Variants in ALMS1 observed in about 807,000 individuals in gnomAD.
ALMS1 encodes centrosome-associated protein ALMS1.
A neutral mutation model predicts 352.2 loss-of-function variants in ALMS1; 271 were observed. The observed-to-expected ratio is 0.77, with a 90% CI of 0.70 to 0.85. The LOEUF (loss-of-function observed/expected upper bound fraction) is 0.85, where lower values mean the gene tolerates loss of function less well. Ranked by LOEUF, ALMS1 falls within the 40% of genes least tolerant of loss-of-function variation. ALMS1 has a pLI of 0.00. For missense variants in ALMS1, 5,445 were observed against 4,870.7 expected (o/e 1.12, Z -3.51); for synonymous variants, 1,865 against 1,761.2 (o/e 1.06, Z -1.48).
intron 10 of ALMS1, among the ~76,000 whole-genome samples, chr2:73,518,600 C>T (rs1329644490): frequency 3.3e-5 from 5 of 152,148 alleles, no homozygotes; most frequent in Admixed American, 6.5e-5. Flanking sequence ...TAACCACTCC[C>T]TTTTCTCTGC....
At chr2:73,569,687 A>C in intron 15 of ALMS1, among the ~76,000 whole-genome samples, 1 of 152,200 alleles carries the variant, frequency 6.6e-6, no homozygotes, top group Admixed American at 6.5e-5. Flanking sequence ...TAAATGAAAT[A>C]AGCCATACAT....
intron 9 of ALMS1, chr2:73,470,782 C>G (rs943981664): frequency 2.0e-5 from 3 of 151,744 alleles, no homozygotes; most frequent in African/African-American, 7.2e-5. Context: ...TTTAGGTACT[C>G]TAATGTTGGG....
chr2:73,409,773 T>C (rs1671040522), intron 2 of ALMS1, among the ~76,000 whole-genome samples: 1 of 152,182 alleles, frequency 6.6e-6, no homozygotes. Flanking sequence ...TATTGATATT[T>C]ATTATATAGA....
At chr2:73,567,308 C>T (rs1485808687) in intron 15 of ALMS1, among the ~76,000 whole-genome samples, 1 of 152,124 alleles carries the variant, frequency 6.6e-6, no homozygotes, top group Non-Finnish European at 1.5e-5. Flanking sequence ...AATAACAGAC[C>T]CTCCTTGAAC....
intron 7 of ALMS1, among the ~76,000 whole-genome samples, chr2:73,438,156 C>G (rs765665123): frequency 6.6e-6 from 1 of 152,158 alleles, no homozygotes; most frequent in Non-Finnish European, 1.5e-5. Flanking sequence ...GCAGCAATCC[C>G]TCCCTCATCA....
intron 9 of ALMS1, among the ~76,000 whole-genome samples, chr2:73,464,887 AAGGG>A (rs1441723842): frequency 6.6e-6 from 1 of 152,178 alleles, no homozygotes; most frequent in Non-Finnish European, 1.5e-5. Context: ...TCCAACTTAC[AAGGG>A]ATGGAAGGAC....
intron 7 of ALMS1, among the ~76,000 whole-genome samples, chr2:73,441,340 G>T (rs1477472960): frequency 6.6e-6 from 1 of 152,216 alleles, no homozygotes; most frequent in African/African-American, 2.4e-5. Flanking sequence ...TACCACAGGA[G>T]AGTTAGGAGA....
In ALMS1 at chr2:73,579,063, C is replaced by CTTTTTTTTTTTTTTT. The variant is rs372240184; in HGVS notation, c.11547+5646_11547+5647insTTTTTTTTTTTTTTT. Among the ~76,000 whole-genome samples, 251 of 119,000 alleles carry CTTTTTTTTTTTTTTT rather than the reference C, an allele frequency of 2.1e-3. 34 individuals are homozygous for CTTTTTTTTTTTTTTT. Among genetic ancestry groups the CTTTTTTTTTTTTTTT allele is most frequent in the African/African-American group, 5.6e-3 (130 of 23,168 alleles). The allele number at this position is 119,000 out of a possible 152,430, so 78.1% of individuals were successfully genotyped here. ...GAATGTCTTTAATTTCTCCTTTATT[C>CTTTTTTTTTTTTTTT]TTTTTTTATTTATTTTTTTTTTTGA... On this transcript the variant is annotated intron_variant, in intron 16 of 22. Transcript: ENST00000613296.
chr2:73,560,547 G>A (rs1329141857), intron 15 of ALMS1, among the ~76,000 whole-genome samples: 1 of 152,108 alleles, frequency 6.6e-6, no homozygotes, highest in Non-Finnish European at 1.5e-5. Context: ...CCACTGCTGG[G>A]CATATAACCT....
intron 9 of ALMS1, chr2:73,469,420 A>C (rs957692118): frequency 6.6e-6 from 1 of 151,928 alleles, no homozygotes; most frequent in Non-Finnish European, 1.5e-5. Flanking sequence ...CAATGTGGTA[A>C]ATGAAAAGGA....
At chr2:73,482,428 C>T (rs2103869116) in intron 9 of ALMS1, among the ~76,000 whole-genome samples, 1 of 147,720 alleles carries the variant, frequency 6.8e-6, no homozygotes, top group Middle Eastern at 3.5e-3. Flanking sequence ...GGGATGAAGC[C>T]CACTTGATCA....
At chr2:73,442,015 C>T (rs1671728697) in intron 7 of ALMS1, among the ~76,000 whole-genome samples, 1 of 152,124 alleles carries the variant, frequency 6.6e-6, no homozygotes, top group Non-Finnish European at 1.5e-5. Context: ...TGCCATGAAA[C>T]TTTCCTAACT....
chr2:73,445,436 A>G (rs1026289214), intron 7 of ALMS1, among the ~76,000 whole-genome samples: 6 of 152,136 alleles, frequency 3.9e-5, no homozygotes, highest in Non-Finnish European at 8.8e-5. Flanking sequence ...AGAGGGCTCA[A>G]AATGAGAGCT....
At position 73,569,048 on chromosome 2, in the gene ALMS1, T is replaced by C. The variant is rs1347111217; in HGVS notation, c.10385-3214T>C. On this transcript the variant is annotated intron_variant, in intron 15 of 22. Coordinates refer to ENST00000613296, the MANE Select transcript of ALMS1 (RefSeq NM_001378454.1). The stretch of plus-strand genomic sequence containing the variant: ...TTTTTTTTTTGAGATGAAGTCTCGC[T>C]CTGTCGCCCAGGCTGGAGTGCAGTG... 3.2e-5 allele frequency among the ~76,000 whole-genome samples: 4 copies of C among 125,858 alleles called. No homozygotes were observed. The East Asian group carries it at 1.0e-3, about 33-fold the overall frequency. The allele number at this position is 125,858 out of a possible 152,430, so 82.6% of individuals were successfully genotyped here.
chr2:73,422,999 C>T (rs1378087978), intron 4 of ALMS1, 25 bp downstream of exon 4: 3 of 1,543,234 alleles, frequency 1.9e-6, no homozygotes, highest in Non-Finnish European at 2.7e-6. Context: ...TTGCATGTAA[C>T]CTTTCTCACT....
chr2:73,580,917 A>G (rs1160971871), intron 16 of ALMS1, among the ~76,000 whole-genome samples: 4 of 152,232 alleles, frequency 2.6e-5, no homozygotes, highest in African/African-American at 9.6e-5. Context: ...AAATTCCCCA[A>G]GTCTTTGCAG....
At chr2:73,538,508 A>G (rs1674082604) in intron 12 of ALMS1, among the ~76,000 whole-genome samples, 1 of 152,188 alleles carries the variant, frequency 6.6e-6, no homozygotes, top group Non-Finnish European at 1.5e-5. Flanking sequence ...TACTGGGTTC[A>G]TCTCACTAGG....
intron 13 of ALMS1, among the ~76,000 whole-genome samples, chr2:73,552,214 A>T (rs1674453200): frequency 6.6e-6 from 1 of 152,114 alleles, no homozygotes; most frequent in South Asian, 2.1e-4. Flanking sequence ...TTTTTAGATA[A>T]TTTCGTTCTA....
rs187474973 is a variant in ALMS1, at chr2:73,558,854, C to T, written c.10214-118C>T. 5.4e-6 allele frequency: 6 copies of T among 1,113,650 alleles called. No individual in the cohort carries two copies. The East Asian group carries it at 1.3e-4, about 24-fold the overall frequency. The allele number at this position is 1,113,650 out of a possible 1,614,324, so 69.0% of individuals were successfully genotyped here. On this transcript the variant is annotated intron_variant, in intron 14 of 22. Transcript: ENST00000613296. ...TTATTTTCTAAACGCATTTCTGAGT[C>T]ATCTTTTTTCTTCAATATCAGTAAC... is the stretch of plus-strand genomic sequence containing the variant.
Sources: allele counts gnomAD v4.1 joint callset (sites outside exome capture counted in the v4.1 genomes callset), GRCh38; gene constraint gnomAD v4.1.1; transcripts MANE v1.5; gene names NCBI Gene and HGNC (gene_info 2026-07-23, HGNC 2026-07-21).